EYS: variants seen among roughly 807,000 people sequenced by gnomAD.
EYS encodes the protein EGF-like photoreceptor maintenance factor, also known as protein eyes shut homolog.
Under a neutral mutation model 282.1 loss-of-function variants are expected in EYS, and 250 were observed. The ratio of observed to expected loss-of-function variants is 0.89; its 90% CI spans 0.80 to 0.98. The LOEUF (loss-of-function observed/expected upper bound fraction) is 0.98, where lower values mean the gene tolerates loss of function less well. Among genes scored for constraint, EYS ranks in the 50% least tolerant of loss-of-function variants. The pLI is 0.00. For synonymous variants in EYS, 1,355 were observed against 1,282.9 expected (o/e 1.06, Z -1.20); for missense variants, 4,016 against 3,709.0 (o/e 1.08, Z -2.15).
chr6:64,504,674 GTAAA>G (rs1433574042), intron 26 of EYS, among the ~76,000 whole-genome samples: 1 of 152,164 alleles, frequency 6.6e-6, no homozygotes, highest in Non-Finnish European at 1.5e-5. Context: ...TTCATCATAA[GTAAA>G]TATTTGTATG....
chr6:65,177,229 T>G (rs1765247555), intron 12 of EYS, among the ~76,000 whole-genome samples: 1 of 151,808 alleles, frequency 6.6e-6, no homozygotes, highest in Admixed American at 6.6e-5. Flanking sequence ...TGTCAAGAAG[T>G]AATTTAGCCA....
At chr6:64,190,041 G>A (rs920227307) in intron 31 of EYS, among the ~76,000 whole-genome samples, 8 of 152,052 alleles carry the variant, frequency 5.3e-5, no homozygotes, top group African/African-American at 1.4e-4. Context: ...TGCTAGCTAC[G>A]TAACAATAGC....
chr6:63,982,208 T>C (rs894682969), intron 35 of EYS, among the ~76,000 whole-genome samples: 1 of 151,844 alleles, frequency 6.6e-6, no homozygotes, highest in African/African-American at 2.4e-5. Context: ...GAGAGTGTGT[T>C]AGTTTTCTAT....
At chr6:65,157,851 A>T (rs1764763783) in intron 12 of EYS, among the ~76,000 whole-genome samples, 1 of 150,700 alleles carries the variant, frequency 6.6e-6, no homozygotes, top group South Asian at 2.1e-4. Flanking sequence ...TAAATCAAGT[A>T]CCATTATATT....
At chr6:64,089,387 A>G (rs1360622973) in intron 31 of EYS, among the ~76,000 whole-genome samples, 1 of 149,874 alleles carries the variant, frequency 6.7e-6, no homozygotes, top group Non-Finnish European at 1.5e-5. Context: ...TGAAATTTTA[A>G]ATACTATATA....
chr6:65,003,480 TTGCCCTG>T (rs1321725117), intron 13 of EYS, among the ~76,000 whole-genome samples: 1 of 147,834 alleles, frequency 6.8e-6, no homozygotes, highest in Non-Finnish European at 1.5e-5. Flanking sequence ...TCCTGTGATC[TTGCCCTG>T]CCTCCACTTG....
intron 2 of EYS, among the ~76,000 whole-genome samples, chr6:65,591,583 AAGCTCCT>A (rs1765235789): frequency 6.6e-6 from 1 of 151,818 alleles, no homozygotes; most frequent in South Asian, 2.1e-4. Context: ...TCACTTTTTG[AAGCTCCT>A]AATAATGCAA....
intron 26 of EYS, among the ~76,000 whole-genome samples, chr6:64,562,957 AACTC>A (rs1267703993): frequency 6.6e-6 from 1 of 152,020 alleles, no homozygotes; most frequent in African/African-American, 2.4e-5. Flanking sequence ...TCAATGGTAA[AACTC>A]AGTATTCTGA....
chr6:65,481,764 A>T (rs1765614624), intron 5 of EYS, among the ~76,000 whole-genome samples: 1 of 151,792 alleles, frequency 6.6e-6, no homozygotes, highest in Non-Finnish European at 1.5e-5. Context: ...GAGAGATGGG[A>T]TTTCACTGTG....
intron 29 of EYS, among the ~76,000 whole-genome samples, chr6:64,320,435 T>G (rs1922971): frequency 6.6e-6 from 1 of 151,510 alleles, no homozygotes; most frequent in Admixed American, 6.6e-5. Context: ...AGTTTAATGG[T>G]CTTTTATTCT....
At position 65,621,721 on chromosome 6, in the gene EYS, C is replaced by T. The variant is rs1327200652; in HGVS notation, c.-333+18057G>A. ...TGTTCCTTTCCATGTTTAGCACTTC[C>T]TTCAGGAGCTCTTTTAGGGCAGGCC... On this transcript the variant is annotated intron_variant, in intron 2 of 42. Coordinates refer to ENST00000503581, the MANE Select transcript of EYS (RefSeq NM_001142800.2). 2.0e-5 allele frequency among the ~76,000 whole-genome samples: 3 copies of T among 151,830 alleles called. No homozygotes were observed. The East Asian group carries it at 5.8e-4, about 29-fold the overall frequency.
At chr6:64,087,354 A>T (rs927562974) in intron 31 of EYS, among the ~76,000 whole-genome samples, 1 of 152,158 alleles carries the variant, frequency 6.6e-6, no homozygotes, top group African/African-American at 2.4e-5. Context: ...TCATAGAAGG[A>T]AACCCCAAGT....
chr6:64,148,695 C>T (rs920504441), intron 31 of EYS, among the ~76,000 whole-genome samples: 2 of 152,022 alleles, frequency 1.3e-5, no homozygotes, highest in African/African-American at 4.8e-5. Context: ...TTGTCCTATA[C>T]TTTCTTTGTT....
chr6:65,119,184 A>T (rs1470122776), intron 12 of EYS, among the ~76,000 whole-genome samples: 8 of 152,186 alleles, frequency 5.3e-5, no homozygotes. Flanking sequence ...CTAGTTAAGA[A>T]ATTGCTGCTC....
Position 65,344,033 on chromosome 6 carries a change from C to G in EYS, c.1599+5G>C. On this transcript the variant is annotated splice_donor_5th_base_variant and intron_variant, in intron 10 of 42. Transcript: ENST00000503581. Reference sequence around the variant, plus strand: ...ATGAAAAGCAACTACATAAAATTACCTTACCTCTTTTGTGCCTTCATGTGG... The same window carrying G: ...ATGAAAAGCAACTACATAAAATTACGTTACCTCTTTTGTGCCTTCATGTGG... 1 of 1,608,528 alleles carries G rather than the reference C, an allele frequency of 6.2e-7. No homozygotes were observed. The highest frequency in any genetic ancestry group is 1.1e-5 in the South Asian group (1 of 90,954).
At chr6:65,113,472 C>T (rs1027516019) in intron 12 of EYS, among the ~76,000 whole-genome samples, 2 of 151,786 alleles carry the variant, frequency 1.3e-5, no homozygotes, top group African/African-American at 2.4e-5. Flanking sequence ...AATTTTGAGG[C>T]AAAATTTAAA....
rs181627351 is a variant in EYS, at chr6:64,822,504, A to G, written c.3164+147T>C. On this transcript the variant is annotated intron_variant, in intron 20 of 42. Transcript: ENST00000503581. ...GTACATTGCATTAGCTAAAACTGGC[A>G]GCATCTGTCATCTTAAATGTACTTA... is the stretch of plus-strand genomic sequence containing the variant. 2.5e-3 allele frequency: 1,601 copies of G among 644,844 alleles called. 13 individuals are homozygous for G. The highest frequency in any genetic ancestry group is 2.5e-3 in the South Asian group (108 of 43,206). The allele number at this position is 644,844 out of a possible 1,614,324, so 39.9% of individuals were successfully genotyped here. A position where few individuals can be genotyped will look rare whatever the true frequency, so the allele number is the denominator to read the frequency against.
At chr6:65,569,648 C>T (rs114782750) in intron 2 of EYS, among the ~76,000 whole-genome samples, 2 of 152,084 alleles carry the variant, frequency 1.3e-5, no homozygotes, top group Non-Finnish European at 2.9e-5. Flanking sequence ...GTTGCCCCCA[C>T]CCAAATCAAT....
intron 41 of EYS, among the ~76,000 whole-genome samples, chr6:63,735,675 A>G (rs1768892329): frequency 6.6e-6 from 1 of 151,890 alleles, no homozygotes; most frequent in African/African-American, 2.4e-5. Context: ...ACATTGATAC[A>G]ACACTACAAT....
Sources: allele counts gnomAD v4.1 joint callset (sites outside exome capture counted in the v4.1 genomes callset), GRCh38; gene constraint gnomAD v4.1.1; transcripts MANE v1.5; gene names NCBI Gene and HGNC (gene_info 2026-07-23, HGNC 2026-07-21).